Variants in PPP3CC observed in about 807,000 individuals in gnomAD.
The protein encoded by PPP3CC is serine/threonine-protein phosphatase 2B catalytic subunit gamma isoform.
PPP3CC carries 35 observed loss-of-function variants against 60.3 expected under a neutral mutation model. That is an observed-to-expected ratio of 0.58 (90% confidence interval 0.44 to 0.77). The LOEUF is 0.77. PPP3CC is among the 30% of genes least tolerant of loss of function. PPP3CC has a pLI of 0.00. For missense variants in PPP3CC, 570 were observed against 628.9 expected (o/e 0.91, Z 1.00); for synonymous variants, 206 against 224.3 (o/e 0.92, Z 0.73).
chr8:22,510,108 C>G (rs573593543), intron 4 of PPP3CC, among the ~76,000 whole-genome samples: 156 of 148,486 alleles, frequency 1.1e-3, no homozygotes, highest in Non-Finnish European at 1.7e-3. Flanking sequence ...TGCAAGAACC[C>G]GGAAGGCAGA....
At chr8:22,490,276 C>T (rs1217264325) in intron 3 of PPP3CC, among the ~76,000 whole-genome samples, 2 of 152,064 alleles carry the variant, frequency 1.3e-5, no homozygotes, top group Non-Finnish European at 2.9e-5. Context: ...GGTTGCAGGA[C>T]CCTGACCCTG....
At chr8:22,442,053 A>T (rs1372040257) in intron 1 of PPP3CC, among the ~76,000 whole-genome samples, 1 of 152,196 alleles carries the variant, frequency 6.6e-6, no homozygotes, top group African/African-American at 2.4e-5. Context: ...GACTTGGAGA[A>T]TGACGTTTTC....
Position 22,441,337 on chromosome 8 carries a change from A to C in PPP3CC, c.-73A>C, listed in dbSNP as rs1382789127. 3.4e-6 allele frequency: 5 copies of C among 1,457,222 alleles called. No individual in the cohort carries two copies. The highest frequency in any genetic ancestry group is 4.6e-6 in the Non-Finnish European group (5 of 1,093,298). The allele number at this position is 1,457,222 out of a possible 1,614,324, so 90.3% of individuals were successfully genotyped here. On this transcript the variant is annotated 5_prime_UTR_variant, in exon 1 of 14. Coordinates refer to ENST00000240139, the MANE Select transcript of PPP3CC (RefSeq NM_005605.5). Reference sequence around the variant, plus strand: ...GGCTCCGGGCAGCTAAGGCTGCCCGAGGAGAAGGCGGCGGCCGCGGCGTAG... The same window carrying C: ...GGCTCCGGGCAGCTAAGGCTGCCCGCGGAGAAGGCGGCGGCCGCGGCGTAG...
At chr8:22,533,113 CG>C (rs1437024449) in intron 12 of PPP3CC, 95 bp downstream of exon 12, 1 of 907,860 alleles carries the variant, frequency 1.1e-6, no homozygotes, top group East Asian at 3.1e-5. Context: ...GAAAATGCCA[CG>C]AGAGCAGTTG....
chr8:22,441,313 G>T lies in PPP3CC; in HGVS notation c.-97G>T. The T allele has an allele frequency of 2.4e-6, 3 of 1,258,516 alleles. No homozygotes were observed. Among genetic ancestry groups the T allele is most frequent in the Non-Finnish European group, 2.1e-6 (2 of 945,424 alleles). 78.0% of individuals were successfully genotyped at this position (1,258,516 alleles called of 1,614,324 possible). ...CGGGGCCGGGCACGGCTGGCTGACG[G>T]CTCCGGGCAGCTAAGGCTGCCCGAG... On this transcript the variant is annotated 5_prime_UTR_variant, in exon 1 of 14. Coordinates refer to ENST00000240139, the MANE Select transcript of PPP3CC (RefSeq NM_005605.5).
intron 3 of PPP3CC, among the ~76,000 whole-genome samples, chr8:22,489,672 GTATATATTATATATAAGTATATAT>G (rs1161737608): frequency 2.5e-4 from 24 of 94,916 alleles, no homozygotes; most frequent in Admixed American, 3.6e-4. Flanking sequence ...TTATATATAA[GTATATATTATATATAAGTATATAT>G]TATATATTAT....
At chr8:22,498,784 TCTAA>T (rs1454806388) in intron 4 of PPP3CC, among the ~76,000 whole-genome samples, 1 of 152,220 alleles carries the variant, frequency 6.6e-6, no homozygotes, top group Non-Finnish European at 1.5e-5. Context: ...TTAGGTTGTT[TCTAA>T]CTGTGACTAC....
chr8:22,497,263 C>A (rs963530271), intron 3 of PPP3CC, among the ~76,000 whole-genome samples: 8 of 151,728 alleles, frequency 5.3e-5, no homozygotes, highest in Admixed American at 2.0e-4. Flanking sequence ...TCCCGACCTC[C>A]GGTGATCTGC....
At chr8:22,510,258 C>T (rs955381564) in intron 4 of PPP3CC, among the ~76,000 whole-genome samples, 2 of 151,910 alleles carry the variant, frequency 1.3e-5, no homozygotes, top group African/African-American at 4.8e-5. Context: ...AGCAATCCCC[C>T]GACCTCAGCC....
chr8:22,521,048 T>C (rs1470367115), intron 6 of PPP3CC, among the ~76,000 whole-genome samples: 1 of 152,206 alleles, frequency 6.6e-6, no homozygotes, highest in Non-Finnish European at 1.5e-5. Flanking sequence ...ACATTAGGGT[T>C]CACAGTCAGT....
Position 22,465,812 on chromosome 8 carries a change from T to C in PPP3CC, c.50-9142T>C, listed in dbSNP as rs575606628. Among the ~76,000 whole-genome samples the C allele has an allele frequency of 3.3e-5, 5 of 151,892 alleles. No individual in the cohort carries two copies. In the South Asian group the frequency reaches 1.0e-3, roughly 32 times the overall value. On this transcript the variant is annotated intron_variant, in intron 1 of 13. Coordinates refer to ENST00000240139, the MANE Select transcript of PPP3CC (RefSeq NM_005605.5). ...AGAGTATGTAGAGTGAGAAATATTA[T>C]TGTAGCCATTTTTTTTTAGTTTTTG...
At chr8:22,476,180 A>G (rs1013724603) in intron 3 of PPP3CC, among the ~76,000 whole-genome samples, 1 of 152,260 alleles carries the variant, frequency 6.6e-6, no homozygotes, top group Admixed American at 6.5e-5. Flanking sequence ...GAACATGTTT[A>G]GAATTAAATA....
chr8:22,447,128 C>T (rs112141493), intron 1 of PPP3CC, among the ~76,000 whole-genome samples: 7 of 150,990 alleles, frequency 4.6e-5, no homozygotes, highest in African/African-American at 1.5e-4. Context: ...CTCAGCCTCC[C>T]GAGTAGTTGG....
chr8:22,514,436 C>G (rs532825520), intron 6 of PPP3CC, among the ~76,000 whole-genome samples: 21 of 151,866 alleles, frequency 1.4e-4, no homozygotes, highest in African/African-American at 5.1e-4. Context: ...TTGATTTCGC[C>G]ATTACTTTTA....
intron 12 of PPP3CC, 25 bp downstream of exon 12, chr8:22,533,043 G>T (rs762264212): frequency 6.6e-7 from 1 of 1,504,698 alleles, no homozygotes; most frequent in South Asian, 1.2e-5. Flanking sequence ...GCTCCTCCAT[G>T]GAAGGTGTGC....
intron 10 of PPP3CC, among the ~76,000 whole-genome samples, chr8:22,529,478 A>G (rs1386311071): frequency 6.6e-6 from 1 of 151,656 alleles, no homozygotes; most frequent in African/African-American, 2.4e-5. Flanking sequence ...TGACTTGTCA[A>G]TTCATATCTT....
At chr8:22,470,416 T>C (rs901888408) in intron 1 of PPP3CC, among the ~76,000 whole-genome samples, 3 of 152,124 alleles carry the variant, frequency 2.0e-5, no homozygotes, top group Non-Finnish European at 4.4e-5. Flanking sequence ...AAAAACAAAG[T>C]TTAAAGAATT....
intron 3 of PPP3CC, among the ~76,000 whole-genome samples, chr8:22,479,702 C>T (rs1476094446): frequency 6.7e-6 from 1 of 149,080 alleles, no homozygotes; most frequent in African/African-American, 2.5e-5. Flanking sequence ...CCAGATCGCC[C>T]CACTGCACTC....
intron 3 of PPP3CC, among the ~76,000 whole-genome samples, chr8:22,486,719 T>G (rs965384483): frequency 2.0e-5 from 3 of 150,526 alleles, no homozygotes; most frequent in Admixed American, 6.6e-5. Context: ...AGACTTGATG[T>G]GTTTTTTGTT....
Sources: gnomAD v4.1 joint callset for allele counts (sites outside exome capture counted in the v4.1 genomes callset) on GRCh38, gnomAD v4.1.1 for gene constraint, MANE v1.5 for transcripts, NCBI Gene and HGNC (gene_info 2026-07-23, HGNC 2026-07-21) for gene names.